The following PBX3 variants were observed in gnomAD, a reference collection of about 807,000 sequenced individuals.
The protein encoded by PBX3 is pre-B-cell leukemia transcription factor 3.
Under a neutral mutation model 48.5 loss-of-function variants are expected in PBX3, and 14 were observed. The observed-to-expected ratio is 0.29, with a 90% confidence interval of 0.19 to 0.45. The LOEUF (loss-of-function observed/expected upper bound fraction) is 0.45. Among genes scored for constraint, PBX3 ranks in the 20% least tolerant of loss-of-function variants. PBX3 has a pLI of 1.00. For synonymous variants in PBX3, 210 were observed against 200.3 expected (o/e 1.05, Z -0.41); for missense variants, 386 against 546.7 (o/e 0.71, Z 2.93).
chr9:125,807,515 C>G (rs1838162612), intron 2 of PBX3, among the ~76,000 whole-genome samples: 1 of 151,998 alleles, frequency 6.6e-6, no homozygotes, highest in African/African-American at 2.4e-5. Context: ...GATTCTCAAC[C>G]CTTAATACTT....
At chr9:125,963,179 G>T in intron 8 of PBX3, 78 bp downstream of exon 8, 1 of 724,774 alleles carries the variant, frequency 1.4e-6, no homozygotes, top group Non-Finnish European at 2.3e-6. Flanking sequence ...ATAGCCATTT[G>T]ACCTGGCTTC....
intron 2 of PBX3, among the ~76,000 whole-genome samples, chr9:125,899,703 T>C (rs1245178802): frequency 2.6e-5 from 4 of 151,670 alleles, no homozygotes; most frequent in African/African-American, 9.6e-5. Context: ...GGAGACTTCA[T>C]TTTAAAAAGA....
intron 2 of PBX3, among the ~76,000 whole-genome samples, chr9:125,797,053 G>A (rs1837804203): frequency 2.6e-5 from 4 of 151,884 alleles, no homozygotes; most frequent in South Asian, 2.1e-4. Context: ...GCTAATGAAC[G>A]TTTATTTGTC....
At chr9:125,899,298 A>C (rs1303295483) in intron 2 of PBX3, among the ~76,000 whole-genome samples, 1 of 60,040 alleles carries the variant, frequency 1.7e-5, no homozygotes, top group Admixed American at 2.0e-4. Flanking sequence ...TTTATATATA[A>C]ATATACATAT....
At chr9:125,867,557 T>C (rs1840012191) in intron 2 of PBX3, among the ~76,000 whole-genome samples, 3 of 150,534 alleles carry the variant, frequency 2.0e-5, no homozygotes, top group Non-Finnish European at 4.4e-5. Context: ...GGAGAATCAC[T>C]TGAATGCGGG....
intron 2 of PBX3, among the ~76,000 whole-genome samples, chr9:125,749,786 G>T (rs1435147119): frequency 2.0e-5 from 3 of 151,872 alleles, no homozygotes; most frequent in Non-Finnish European, 4.4e-5. Flanking sequence ...CAGGTTTTTC[G>T]CTTTGCAATA....
intron 2 of PBX3, among the ~76,000 whole-genome samples, chr9:125,818,303 A>C (rs1838531137): frequency 6.6e-6 from 1 of 152,014 alleles, no homozygotes; most frequent in South Asian, 2.1e-4. Flanking sequence ...ATGAAGTTTG[A>C]AAATGAGCCT....
chr9:125,751,728 G>C (rs1836380622), intron 2 of PBX3, among the ~76,000 whole-genome samples: 1 of 152,100 alleles, frequency 6.6e-6, no homozygotes. Context: ...GATTATTGTT[G>C]ATATGTTAAG....
intron 2 of PBX3, among the ~76,000 whole-genome samples, chr9:125,785,769 A>G (rs1837441226): frequency 6.6e-6 from 1 of 152,204 alleles, no homozygotes; most frequent in African/African-American, 2.4e-5. Context: ...AGAAACAAAC[A>G]TAGTTCTTGA....
intron 2 of PBX3, among the ~76,000 whole-genome samples, chr9:125,837,379 T>C (rs1839168420): frequency 6.7e-6 from 1 of 149,996 alleles, no homozygotes; most frequent in South Asian, 2.1e-4. Context: ...TATGTATACA[T>C]GTGTATAAAT....
intron 2 of PBX3, among the ~76,000 whole-genome samples, chr9:125,906,711 G>T (rs1246545151): frequency 6.6e-6 from 1 of 151,908 alleles, no homozygotes; most frequent in Non-Finnish European, 1.5e-5. Context: ...CCCATTGGTT[G>T]TTTCTGACCA....
chr9:125,765,902 A>C (rs2131988015), intron 2 of PBX3, among the ~76,000 whole-genome samples: 1 of 152,196 alleles, frequency 6.6e-6, no homozygotes, highest in Non-Finnish European at 1.5e-5. Flanking sequence ...GGGAGATTTT[A>C]TTTTTCTACT....
intron 2 of PBX3, among the ~76,000 whole-genome samples, chr9:125,911,665 C>T (rs905720256): frequency 2.0e-5 from 3 of 151,694 alleles, no homozygotes; most frequent in African/African-American, 7.3e-5. Context: ...TTGAATGAAT[C>T]AAAAAACAAG....
At chr9:125,965,619 A>C (rs1842515047) in intron 8 of PBX3, among the ~76,000 whole-genome samples, 1 of 152,120 alleles carries the variant, frequency 6.6e-6, no homozygotes, top group African/African-American at 2.4e-5. Context: ...CGGCGTGTTG[A>C]TTTATTGCCA....
Position 125,810,897 on chromosome 9 carries a change from A to G in PBX3, c.274+62274A>G, listed in dbSNP as rs10986938. On this transcript the variant is annotated intron_variant, in intron 2 of 8. Coordinates refer to ENST00000373489, the MANE Select transcript of PBX3 (RefSeq NM_006195.6). ...TTAACTATAGCATTCTCTGCTCCCA[A>G]GATGCGAGGTGTGGTATCTGTGCCC... Among the ~76,000 whole-genome samples the G allele has an allele frequency of 4.7e-3, 718 of 152,278 alleles. 2 individuals are homozygous for G. Among genetic ancestry groups the G allele is most frequent in the Non-Finnish European group, 7.8e-3 (529 of 68,010 alleles).
chr9:125,830,474 A>C (rs1838927700), intron 2 of PBX3, among the ~76,000 whole-genome samples: 1 of 152,136 alleles, frequency 6.6e-6, no homozygotes, highest in African/African-American at 2.4e-5. Flanking sequence ...GTAATAGAAA[A>C]GTACTTATTT....
chr9:125,873,332 T>C (rs976412483), intron 2 of PBX3, among the ~76,000 whole-genome samples: 1 of 152,146 alleles, frequency 6.6e-6, no homozygotes, highest in Non-Finnish European at 1.5e-5. Context: ...AAAAATTTAA[T>C]AATACAATTA....
chr9:125,862,146 T>C (rs755130273), intron 2 of PBX3, among the ~76,000 whole-genome samples: 16 of 152,184 alleles, frequency 1.1e-4, no homozygotes, highest in Non-Finnish European at 2.1e-4. Flanking sequence ...CTTGTTGTGG[T>C]TGCATTGCCT....
At chr9:125,776,797 G>A (rs763063559) in intron 2 of PBX3, among the ~76,000 whole-genome samples, 38 of 152,184 alleles carry the variant, frequency 2.5e-4, no homozygotes, top group Admixed American at 1.1e-3. Flanking sequence ...ACCTGTCTCA[G>A]CTTCTCAAAG....
Sources: allele counts gnomAD v4.1 joint callset (sites outside exome capture counted in the v4.1 genomes callset), GRCh38; gene constraint gnomAD v4.1.1; transcripts MANE v1.5; gene names NCBI Gene and HGNC (gene_info 2026-07-23, HGNC 2026-07-21).